Variants in ARHGEF37 observed in about 807,000 individuals in gnomAD.
The protein encoded by ARHGEF37 is Rho guanine nucleotide exchange factor (GEF) 37.
ARHGEF37 carries 55 observed loss-of-function variants against 71.1 expected under a neutral mutation model. That is an observed-to-expected ratio of 0.77 (90% CI 0.62 to 0.97). The LOEUF is 0.97. ARHGEF37 is among the 50% of genes least tolerant of loss of function. The pLI, the probability that ARHGEF37 is intolerant of heterozygous loss-of-function variation, is 0.00. For synonymous variants in ARHGEF37, 327 were observed against 350.6 expected (o/e 0.93, Z 0.75); for missense variants, 765 against 836.8 (o/e 0.91, Z 1.06).
At chr5:149,572,621 C>T (rs950371005) in intron 1 of ARHGEF37, among the ~76,000 whole-genome samples, 1 of 152,152 alleles carries the variant, frequency 6.6e-6, no homozygotes, top group African/African-American at 2.4e-5. Context: ...AAACATTATT[C>T]TGGATGTTTC....
rs144245183 is a variant in ARHGEF37, at chr5:149,584,270, T to C, written c.-12+2646T>C. 4.9e-3 allele frequency among the ~76,000 whole-genome samples: 750 copies of C among 152,262 alleles called. 3 individuals carry two copies. Among genetic ancestry groups the C allele is most frequent in the Admixed American group, 0.012 (179 of 15,292 alleles). On this transcript the variant is annotated intron_variant, in intron 1 of 12. Transcript: ENST00000333677. ...CCTTCCAAATAGAACTGGGGAAATA[T>C]GGCTAAGGACAAACAGCTGCTGTTT...
intron 1 of ARHGEF37, among the ~76,000 whole-genome samples, chr5:149,573,412 A>T (rs1762990597): frequency 6.6e-6 from 1 of 152,144 alleles, no homozygotes; most frequent in African/African-American, 2.4e-5. Context: ...TTTTCTCTGG[A>T]GAACTCTAAT....
chr5:149,598,263 C>CTCCTTCTTCTTCTTCTTCT (rs71587782), intron 2 of ARHGEF37, among the ~76,000 whole-genome samples: 3 of 67,756 alleles, frequency 4.4e-5, no homozygotes, highest in Admixed American at 1.8e-4. Flanking sequence ...CTTAAACTGA[C>CTCCTTCTTCTTCTTCTTCT]TCTTCTTCTT....
intron 3 of ARHGEF37, among the ~76,000 whole-genome samples, chr5:149,607,852 C>T (rs1382110175): frequency 2.7e-5 from 4 of 149,826 alleles, no homozygotes; most frequent in East Asian, 3.9e-4. Flanking sequence ...CTGCAAGCTC[C>T]GCCTCCTGGG....
In ARHGEF37 at chr5:149,609,529, G is replaced by T. The variant is rs1764014619; in HGVS notation, c.311-19G>T. Reference sequence around the variant, plus strand: ...ACAGACATGCCCTTGACGACCCCTTGTTGCGTCTTCACTCTCAGGTAACAT... The same window carrying T: ...ACAGACATGCCCTTGACGACCCCTTTTTGCGTCTTCACTCTCAGGTAACAT... On this transcript the variant is annotated intron_variant, in intron 3 of 12. Transcript: ENST00000333677. 1.9e-6 allele frequency: 3 copies of T among 1,613,332 alleles called. No individual in the cohort carries two copies. The highest frequency in any genetic ancestry group is 2.5e-6 in the Non-Finnish European group (3 of 1,179,424).
At chr5:149,582,644 A>G (rs1452532257) in intron 1 of ARHGEF37, among the ~76,000 whole-genome samples, 3 of 143,958 alleles carry the variant, frequency 2.1e-5, no homozygotes, top group Admixed American at 7.4e-5. Context: ...TAGCTAGAAG[A>G]GAATAATTTG....
At chr5:149,573,146 C>G (rs376831156) in intron 1 of ARHGEF37, among the ~76,000 whole-genome samples, 6 of 152,248 alleles carry the variant, frequency 3.9e-5, no homozygotes, top group Admixed American at 6.5e-5. Flanking sequence ...AATCCAGTCC[C>G]ACCAGAGTAA....
chr5:149,603,861 G>A (rs1292241018), intron 3 of ARHGEF37, among the ~76,000 whole-genome samples: 5 of 152,152 alleles, frequency 3.3e-5, no homozygotes, highest in African/African-American at 9.7e-5. Flanking sequence ...GCTTGAACCC[G>A]GGAGGCGGAG....
chr5:149,573,010 C>T (rs1234406321), intron 1 of ARHGEF37, among the ~76,000 whole-genome samples: 1 of 152,172 alleles, frequency 6.6e-6, no homozygotes, highest in East Asian at 1.9e-4. Context: ...GACTTCTGCG[C>T]TGGGTCATAA....
Position 149,568,120 on chromosome 5 carries a change from C to G in ARHGEF37, c.-12+15997C>G, listed in dbSNP as rs188103022. Among the ~76,000 whole-genome samples, 8 of 152,014 alleles carry G rather than the reference C, an allele frequency of 5.3e-5. No homozygotes were observed. In the South Asian group the frequency reaches 8.3e-4, roughly 16 times the overall value. On this transcript the variant is annotated intron_variant, in intron 1 of 2. Transcript: ENST00000505810. ...TCCTCTATCTATCTATCTATGGTTCCAGTTATCCTCCCACCTCAGGCTCCT... is the reference window on the plus strand; with the variant it reads ...TCCTCTATCTATCTATCTATGGTTCGAGTTATCCTCCCACCTCAGGCTCCT...
chr5:149,622,101 C>A, intron 9 of ARHGEF37, 39 bp downstream of exon 9: 1 of 1,540,978 alleles, frequency 6.5e-7, no homozygotes, highest in East Asian at 2.4e-5. Context: ...GGGGAGTAGC[C>A]AGGCAAGGCC....
At chr5:149,561,955 C>G (rs1762837952) in intron 1 of ARHGEF37, among the ~76,000 whole-genome samples, 1 of 152,188 alleles carries the variant, frequency 6.6e-6, no homozygotes, top group African/African-American at 2.4e-5. Flanking sequence ...CTCCTCGTGA[C>G]TCATTATTAC....
chr5:149,614,352 TAC>T (rs895615242), intron 4 of ARHGEF37, among the ~76,000 whole-genome samples: 1 of 152,114 alleles, frequency 6.6e-6, no homozygotes. Flanking sequence ...CAAGAGAATG[TAC>T]AAAGACCTGT....
chr5:149,605,799 A>G (rs957825440), intron 3 of ARHGEF37, among the ~76,000 whole-genome samples: 1 of 152,206 alleles, frequency 6.6e-6, no homozygotes, highest in Non-Finnish European at 1.5e-5. Flanking sequence ...AGGCTAAGTA[A>G]CATTCCCAAG....
chr5:149,585,390 A>G (rs1415180260), intron 1 of ARHGEF37, among the ~76,000 whole-genome samples: 3 of 152,260 alleles, frequency 2.0e-5, no homozygotes, highest in Non-Finnish European at 4.4e-5. Flanking sequence ...GTATATCCAT[A>G]TAACAGAATT....
At chr5:149,588,358 A>T (rs531925466) in intron 1 of ARHGEF37, among the ~76,000 whole-genome samples, 1 of 152,282 alleles carries the variant, frequency 6.6e-6, no homozygotes, top group East Asian at 1.9e-4. Context: ...GTGCAGTGGC[A>T]TGATCTCAGC....
intron 6 of ARHGEF37, among the ~76,000 whole-genome samples, chr5:149,618,711 C>T (rs947370801): frequency 2.0e-5 from 3 of 152,218 alleles, no homozygotes; most frequent in Admixed American, 1.3e-4. Context: ...TGTCCAGAGT[C>T]ACACGGCTAG....
chr5:149,628,262 G>T (rs1363112505), intron 11 of ARHGEF37, among the ~76,000 whole-genome samples: 1 of 152,190 alleles, frequency 6.6e-6, no homozygotes, highest in Non-Finnish European at 1.5e-5. Flanking sequence ...AATATCACTG[G>T]CTGCCCTCAA....
intron 1 of ARHGEF37, among the ~76,000 whole-genome samples, chr5:149,585,725 G>A (rs1763217063): frequency 6.6e-6 from 1 of 152,168 alleles, no homozygotes; most frequent in African/African-American, 2.4e-5. Context: ...CATCATGTTG[G>A]CCAGGCTGGT....
Sources: gnomAD v4.1 joint callset for allele counts (sites outside exome capture counted in the v4.1 genomes callset) on GRCh38, gnomAD v4.1.1 for gene constraint, MANE v1.5 for transcripts, NCBI Gene and HGNC (gene_info 2026-07-23, HGNC 2026-07-21) for gene names.